Variants in HDAC9 observed in about 807,000 individuals in gnomAD.
HDAC9 encodes histone deacetylase 9, also known as MEF-2 interacting transcription repressor (MITR) protein.
Under a neutral mutation model 139.4 loss-of-function variants are expected in HDAC9, and 41 were observed. The observed-to-expected ratio is 0.29, with a 90% confidence interval of 0.23 to 0.38. The LOEUF (loss-of-function observed/expected upper bound fraction) is 0.38. HDAC9 is among the 10% of genes least tolerant of loss of function. The pLI, the probability that HDAC9 is intolerant of heterozygous loss-of-function variation, is 1.00. For synonymous variants in HDAC9, 517 were observed against 476.2 expected, an observed-to-expected ratio of 1.09 and a Z score of -1.12; for missense variants, 1,147 against 1,297.0, an observed-to-expected ratio of 0.88 and a Z score of 1.78.
At chr7:18,738,870 C>A (rs956273772) in intron 13 of HDAC9, among the ~76,000 whole-genome samples, 1 of 152,060 alleles carries the variant, frequency 6.6e-6, no homozygotes, top group Non-Finnish European at 1.5e-5. Flanking sequence ...AAGTTGTTTC[C>A]CTTCTCCTCA....
intron 2 of HDAC9, among the ~76,000 whole-genome samples, chr7:18,253,402 G>A (rs1316397285): frequency 2.0e-5 from 3 of 152,074 alleles, no homozygotes; most frequent in South Asian, 4.1e-4. Flanking sequence ...TCTCCAAAAC[G>A]TTGCCAACAC....
intron 2 of HDAC9, among the ~76,000 whole-genome samples, chr7:18,189,065 T>C (rs1384749229): frequency 6.6e-6 from 1 of 152,144 alleles, no homozygotes; most frequent in African/African-American, 2.4e-5. Flanking sequence ...GCAGCACTAT[T>C]TACAATAGCA....
intron 12 of HDAC9, among the ~76,000 whole-genome samples, chr7:18,693,992 C>T (rs536249329): frequency 3.3e-5 from 5 of 152,146 alleles, no homozygotes; most frequent in South Asian, 4.1e-4. Flanking sequence ...TGTTGGTAAC[C>T]GATTGTACAC....
At chr7:18,893,650 G>C (rs558288877) in intron 22 of HDAC9, among the ~76,000 whole-genome samples, 3 of 152,286 alleles carry the variant, frequency 2.0e-5, no homozygotes, top group South Asian at 2.1e-4. Context: ...GTCACTGAAA[G>C]TTCTTTTGGG....
chr7:18,332,836 C>G (rs1781297104), intron 1 of HDAC9, among the ~76,000 whole-genome samples: 1 of 151,476 alleles, frequency 6.6e-6, no homozygotes, highest in South Asian at 2.1e-4. Flanking sequence ...CAACATACAC[C>G]TTACGGCACT....
chr7:18,845,629 A>C (rs1008010352), intron 21 of HDAC9, among the ~76,000 whole-genome samples: 1 of 152,094 alleles, frequency 6.6e-6, no homozygotes, highest in Non-Finnish European at 1.5e-5. Flanking sequence ...GAACAACAGA[A>C]GCAGAGCTGT....
At chr7:18,506,909 A>G (rs1799943018) in intron 2 of HDAC9, among the ~76,000 whole-genome samples, 1 of 152,272 alleles carries the variant, frequency 6.6e-6, no homozygotes, top group Middle Eastern at 3.4e-3. Flanking sequence ...CAAGTCTCAT[A>G]TACAGTAAAA....
At chr7:18,434,964 A>G (rs538064923) in intron 1 of HDAC9, among the ~76,000 whole-genome samples, 5 of 150,894 alleles carry the variant, frequency 3.3e-5, no homozygotes, top group African/African-American at 1.2e-4. Flanking sequence ...AGAACTATTG[A>G]GAATAACAAA....
At chr7:18,628,501 C>T (rs1781385549) in intron 6 of HDAC9, among the ~76,000 whole-genome samples, 1 of 152,180 alleles carries the variant, frequency 6.6e-6, no homozygotes, top group Admixed American at 6.5e-5. Context: ...CCATCACCAC[C>T]ATCCACTTCT....
At chr7:18,848,536 A>G (rs1265910383) in intron 21 of HDAC9, among the ~76,000 whole-genome samples, 2 of 151,808 alleles carry the variant, frequency 1.3e-5, no homozygotes, top group South Asian at 2.1e-4. Flanking sequence ...ACGCAGCGAG[A>G]TAGGGCTGGT....
chr7:18,628,165 T>G (rs1842189346), intron 6 of HDAC9, among the ~76,000 whole-genome samples: 1 of 152,180 alleles, frequency 6.6e-6, no homozygotes, highest in Non-Finnish European at 1.5e-5. Context: ...TATTTTATAA[T>G]TTTTATGATG....
chr7:18,279,550 C>T (rs1796961805), intron 2 of HDAC9, among the ~76,000 whole-genome samples: 1 of 151,930 alleles, frequency 6.6e-6, no homozygotes, highest in African/African-American at 2.4e-5. Flanking sequence ...ACTGCAACCT[C>T]TGCCTCCCGG....
chr7:18,282,870 A>C (rs1222630293), intron 2 of HDAC9, among the ~76,000 whole-genome samples: 1 of 151,936 alleles, frequency 6.6e-6, no homozygotes, highest in East Asian at 1.9e-4. Flanking sequence ...TTAGGACTGA[A>C]AGACATGTTA....
intron 1 of HDAC9, among the ~76,000 whole-genome samples, chr7:18,295,680 A>G (rs142135183): frequency 2.0e-5 from 3 of 152,288 alleles, no homozygotes; most frequent in Non-Finnish European, 4.4e-5. Context: ...TATTCCCAAT[A>G]TCAAGATTAC....
chr7:18,906,046 A>T (rs887689597), intron 22 of HDAC9, among the ~76,000 whole-genome samples: 8 of 111,718 alleles, frequency 7.2e-5, no homozygotes, highest in African/African-American at 1.7e-4. Context: ...TCTCTTTTCT[A>T]TCCTTTCTTT....
At chr7:18,607,534 A>G (rs186329558) in intron 6 of HDAC9, among the ~76,000 whole-genome samples, 1 of 152,330 alleles carries the variant, frequency 6.6e-6, no homozygotes, top group East Asian at 1.9e-4. Flanking sequence ...CTCAGTACAT[A>G]TTGCCAGTAT....
chr7:18,370,786 T>C (rs1784536841), intron 1 of HDAC9, among the ~76,000 whole-genome samples: 1 of 152,190 alleles, frequency 6.6e-6, no homozygotes, highest in South Asian at 2.1e-4. Context: ...GACAGCCAGT[T>C]GCTTAAAACC....
At chr7:18,709,072 CTT>C (rs10707338) in intron 12 of HDAC9, among the ~76,000 whole-genome samples, 6 of 148,320 alleles carry the variant, frequency 4.0e-5, no homozygotes, top group African/African-American at 9.9e-5. Flanking sequence ...GACTTTGTTT[CTT>C]TTTTTTTTTC....
At position 18,954,193 on chromosome 7, in the gene HDAC9, T is replaced by C; in HGVS notation, c.2985T>C (p.Asn995=). ...TTCTCCACCAAAGCCCGAATATGAA[T>C]GCTGTTATTTCTTTACAGAAGATCA... ...EDILHQSPNM[N]AVISLQKIIE... is the part of the protein sequence containing the mutation. Residue 995 remains asparagine, a synonymous_variant, in exon 24 of 26, where the codon AAT becomes AAC. Transcript: ENST00000686413. 6.4e-7 allele frequency: 1 copy of C among 1,567,416 alleles called. No homozygotes were observed. Among genetic ancestry groups the C allele is most frequent in the African/African-American group, 1.4e-5 (1 of 74,028 alleles).
Sources: gnomAD v4.1 joint callset for allele counts (sites outside exome capture counted in the v4.1 genomes callset) on GRCh38, gnomAD v4.1.1 for gene constraint, MANE v1.5 for transcripts, NCBI Gene and HGNC (gene_info 2026-07-23, HGNC 2026-07-21) for gene names.